ST8SIA6: variants seen among roughly 807,000 people sequenced by gnomAD.
ST8SIA6 encodes the protein ST8 alpha-N-acetyl-neuraminide alpha-2,8-sialyltransferase 6.
In ST8SIA6, 39 loss-of-function variants were observed where a neutral mutation model predicts 33.6. That is an observed-to-expected ratio of 1.16 (90% CI 0.90 to 1.52). The LOEUF (loss-of-function observed/expected upper bound fraction) is 1.52. Ranked by LOEUF, ST8SIA6 falls within the 40% of genes most tolerant of loss-of-function variation. The pLI is 0.00. For synonymous variants in ST8SIA6, 172 were observed against 167.2 expected (o/e 1.03, Z -0.22); for missense variants, 441 against 443.8 (o/e 0.99, Z 0.06).
rs1848009280 is a variant in ST8SIA6, at chr10:17,323,111, T to G, written c.682A>C (p.Ser228Arg). 2.5e-6 allele frequency: 4 copies of G among 1,613,892 alleles called. No individual in the cohort carries two copies. Among genetic ancestry groups the G allele is most frequent in the Non-Finnish European group, 3.4e-6 (4 of 1,179,862 alleles). Residue 228 changes from serine to arginine, a missense_variant, in exon 7 of 8, where the codon AGT (serine) becomes CGT (arginine). Physicochemically the swap from Ser to Arg is moderately radical, Grantham distance 110. Coordinates refer to ENST00000377602, the MANE Select transcript of ST8SIA6 (RefSeq NM_001004470.3). ...TTGDVSKDVG[S>R]KTNLVTINPS... ...TTTATAGTCACAAGATTTGTTTTAC[T>G]GCCAACATCTTTACTAACATCTCCT... is the stretch of plus-strand genomic sequence containing the variant.
intron 3 of ST8SIA6, among the ~76,000 whole-genome samples, chr10:17,383,599 T>A (rs1408875820): frequency 6.6e-6 from 1 of 152,248 alleles, no homozygotes; most frequent in Non-Finnish European, 1.5e-5. Flanking sequence ...GGACAATTGT[T>A]GTCTTGTTTT....
chr10:17,437,667 GTCTC>G (rs1157246906), intron 2 of ST8SIA6, among the ~76,000 whole-genome samples: 14 of 87,132 alleles, frequency 1.6e-4, no homozygotes, highest in Non-Finnish European at 2.1e-4. Context: ...CCTTCCTTCT[GTCTC>G]TCTTTCTCTT....
At chr10:17,413,898 T>C (rs1851529442) in intron 2 of ST8SIA6, among the ~76,000 whole-genome samples, 1 of 152,236 alleles carries the variant, frequency 6.6e-6, no homozygotes, top group Non-Finnish European at 1.5e-5. Context: ...TGGGTATTTT[T>C]TATCACTAGT....
At chr10:17,448,716 C>T (rs894666877) in intron 2 of ST8SIA6, among the ~76,000 whole-genome samples, 1 of 151,756 alleles carries the variant, frequency 6.6e-6, no homozygotes, top group Admixed American at 6.6e-5. Context: ...CCTGGGTTCA[C>T]TCCATTCTCC....
intron 3 of ST8SIA6, among the ~76,000 whole-genome samples, chr10:17,371,239 G>A (rs893720825): frequency 6.6e-6 from 1 of 152,214 alleles, no homozygotes; most frequent in Admixed American, 6.5e-5. Context: ...CAGGACATCA[G>A]TGTGAGACAG....
At chr10:17,322,952 A>C in intron 7 of ST8SIA6, 113 bp downstream of exon 7, 1 of 927,148 alleles carries the variant, frequency 1.1e-6, no homozygotes, top group Non-Finnish European at 1.6e-6. Context: ...CCAAAAACTC[A>C]TTCCACCTGT....
At position 17,454,129 on chromosome 10, in the gene ST8SIA6, G is replaced by A. The variant is rs1588943819; in HGVS notation, c.101+26C>T. The stretch of plus-strand genomic sequence containing the variant: ...CGCCAGGCGGGGCGCGCGGCGCGGG[G>A]CGCGGCCGGCGGGTGGGTGGGTTAC... On this transcript the variant is annotated intron_variant, in intron 1 of 7. Coordinates refer to ENST00000377602, the MANE Select transcript of ST8SIA6 (RefSeq NM_001004470.3). This position sits in a 1 kb window ranked among gnomAD's most constrained non-coding sequence, Gnocchi z 4.1. 1 of 266,238 alleles carries A rather than the reference G, an allele frequency of 3.8e-6. No individual in the cohort carries two copies. The highest frequency in any genetic ancestry group is 5.4e-5 in the Admixed American group (1 of 18,492). The allele number at this position is 266,238 out of a possible 1,614,324, so 16.5% of individuals were successfully genotyped here. A position where few individuals can be genotyped will look rare whatever the true frequency, so the allele number is the denominator to read the frequency against.
intron 2 of ST8SIA6, among the ~76,000 whole-genome samples, chr10:17,434,242 C>T (rs1295789951): frequency 6.6e-6 from 1 of 152,214 alleles, no homozygotes; most frequent in East Asian, 1.9e-4. Flanking sequence ...CTGACCAGGG[C>T]AGAGTCCCAG....
rs112083592 is a variant in ST8SIA6 at position 17,323,229 on chromosome 10, G to GCGCACGCACACACACACACA, written c.636-73_636-72insTGTGTGTGTGTGTGCGTGCG. The GCGCACGCACACACACACACA allele has an allele frequency of 9.2e-5, 73 of 794,424 alleles. 4 individuals are homozygous for GCGCACGCACACACACACACA. Among genetic ancestry groups the GCGCACGCACACACACACACA allele is most frequent in the South Asian group, 2.0e-4 (12 of 58,994 alleles). 49.2% of individuals were successfully genotyped at this position (794,424 alleles called of 1,614,324 possible). On this transcript the variant is annotated intron_variant, in intron 6 of 7. Transcript: ENST00000377602. ...AAAGATTGTATACACACATATGCGC[G>GCGCACGCACACACACACACA]CACACACACACACACACACACCTAT...
rs1325747588 is a variant in ST8SIA6, at chr10:17,349,749, C to T, written c.377+9765G>A. Among the ~76,000 whole-genome samples the T allele has an allele frequency of 2.0e-5, 3 of 152,090 alleles. No individual in the cohort carries two copies. The East Asian group carries it at 5.8e-4, about 29-fold the overall frequency. ...TCAATAATAAAATGCCTGAAACAAA[C>T]AAGACACATGGAGTCAACTTAAAGC... On this transcript the variant is annotated intron_variant, in intron 4 of 7. Transcript: ENST00000377602.
intron 4 of ST8SIA6, among the ~76,000 whole-genome samples, chr10:17,353,351 A>G (rs971258365): frequency 2.0e-5 from 3 of 152,196 alleles, no homozygotes; most frequent in Non-Finnish European, 4.4e-5. Context: ...TTCATAGTTT[A>G]TATCGTTTCA....
At chr10:17,410,280 G>A (rs1588899400) in intron 2 of ST8SIA6, 3 of 152,294 alleles carry the variant, frequency 2.0e-5, no homozygotes, top group Non-Finnish European at 4.4e-5. Flanking sequence ...TCACAATAAA[G>A]TATAAATAGC....
chr10:17,367,948 C>T (rs905989646), intron 3 of ST8SIA6, among the ~76,000 whole-genome samples: 1 of 152,176 alleles, frequency 6.6e-6, no homozygotes, highest in Non-Finnish European at 1.5e-5. Flanking sequence ...TTCCCTCCCT[C>T]CTGACTCTCC....
At chr10:17,344,597 A>T (rs190786780) in intron 4 of ST8SIA6, among the ~76,000 whole-genome samples, 34 of 152,330 alleles carry the variant, frequency 2.2e-4, no homozygotes, top group African/African-American at 7.5e-4. Flanking sequence ...TCAAGATGAG[A>T]TTTGAGTGAG....
At chr10:17,404,660 C>T (rs1041212436) in intron 2 of ST8SIA6, among the ~76,000 whole-genome samples, 1 of 152,140 alleles carries the variant, frequency 6.6e-6, no homozygotes, top group Non-Finnish European at 1.5e-5. Context: ...CAGAATTGCA[C>T]CTTACCTCTG....
At chr10:17,384,090 T>C (rs1430375388) in intron 3 of ST8SIA6, among the ~76,000 whole-genome samples, 2 of 152,238 alleles carry the variant, frequency 1.3e-5, no homozygotes, top group African/African-American at 4.8e-5. Context: ...ACTGGAATGA[T>C]GTGCTTTCCT....
chr10:17,350,734 C>T (rs1346921180), intron 4 of ST8SIA6, among the ~76,000 whole-genome samples: 1 of 151,820 alleles, frequency 6.6e-6, no homozygotes, highest in Non-Finnish European at 1.5e-5. Flanking sequence ...GGGAAAAATC[C>T]CAGCAACCTA....
At position 17,317,028 on chromosome 10, in the gene ST8SIA6, C is replaced by T. The variant is rs988797638; in HGVS notation, c.*3850G>A. ...GTCATGTTGAAGAAGTACAGTTCCT[C>T]ACCTGTATCTCAAACATAATTCTCC... is the stretch of plus-strand genomic sequence containing the variant. On this transcript the variant is annotated 3_prime_UTR_variant, in exon 8 of 8. Transcript: ENST00000377602. 6.6e-6 allele frequency among the ~76,000 whole-genome samples: 1 copy of T among 152,164 alleles called. No individual in the cohort carries two copies. The highest frequency in any genetic ancestry group is 2.4e-5 in the African/African-American group (1 of 41,450).
At chr10:17,429,666 G>A (rs1852043409) in intron 2 of ST8SIA6, among the ~76,000 whole-genome samples, 1 of 151,534 alleles carries the variant, frequency 6.6e-6, no homozygotes, top group Non-Finnish European at 1.5e-5. Context: ...TGTATCTTGT[G>A]TAGAGATGGG....
Sources: gnomAD v4.1 joint callset for allele counts (sites outside exome capture counted in the v4.1 genomes callset) on GRCh38, gnomAD v4.1.1 for gene constraint, Gnocchi (gnomAD v3.1) non-coding constraint, MANE v1.5 for transcripts, NCBI Gene and HGNC (gene_info 2026-07-23, HGNC 2026-07-21) for gene names.